The following SHANK2 variants were observed in gnomAD, a reference collection of about 807,000 sequenced individuals.
SHANK2 encodes the protein SH3 and multiple ankyrin repeat domains protein 2.
A neutral mutation model predicts 133.7 loss-of-function variants in SHANK2; 43 were observed. That is an observed-to-expected ratio of 0.32 (90% CI 0.25 to 0.41). The LOEUF (loss-of-function observed/expected upper bound fraction) is 0.41. SHANK2 is among the 10% of genes least tolerant of loss of function. The pLI is 1.00. For synonymous variants in SHANK2, 1,017 were observed against 952.8 expected (o/e 1.07, Z -1.24); for missense variants, 1,994 against 2,235.8 (o/e 0.89, Z 2.18).
intron 11 of SHANK2, among the ~76,000 whole-genome samples, chr11:70,876,752 T>C (rs1459637386): frequency 6.6e-6 from 1 of 151,872 alleles, no homozygotes; most frequent in East Asian, 1.9e-4. Context: ...AGGCAGGAAA[T>C]AACAGGGCTG....
chr11:71,198,034 C>T (rs1304889918), intron 2 of SHANK2, among the ~76,000 whole-genome samples: 2 of 152,216 alleles, frequency 1.3e-5, no homozygotes, highest in African/African-American at 4.8e-5. Flanking sequence ...GCCGAAGCTT[C>T]ACTCTGTGTG....
intron 3 of SHANK2, 44 bp downstream of exon 3, chr11:71,147,076 G>A: frequency 2.0e-6 from 3 of 1,485,826 alleles, no homozygotes; most frequent in South Asian, 1.3e-5. Flanking sequence ...AGCCACAGGT[G>A]ACATTGTCCA....
At chr11:71,145,076 G>GA (rs1307964131) in intron 3 of SHANK2, among the ~76,000 whole-genome samples, 17 of 152,190 alleles carry the variant, frequency 1.1e-4, no homozygotes, top group African/African-American at 4.1e-4. Context: ...TAATATAGGA[G>GA]AAGGAACTCC....
At position 71,166,002 on chromosome 11, in the gene SHANK2, G is replaced by A. The variant is rs180945474; in HGVS notation, c.-12-18664C>T. Among the ~76,000 whole-genome samples the A allele has an allele frequency of 5.3e-5, 8 of 152,296 alleles. No homozygotes were observed. In the East Asian group the frequency reaches 1.4e-3, roughly 26 times the overall value. On this transcript the variant is annotated intron_variant, in intron 2 of 25. Coordinates refer to ENST00000601538, the MANE Select transcript of SHANK2 (RefSeq NM_012309.5). The stretch of plus-strand genomic sequence containing the variant: ...CCTCCCGCGTGCTGCACAGACAGAC[G>A]AATGTGAGTGTCCACACGCCCCCCA...
intron 2 of SHANK2, among the ~76,000 whole-genome samples, chr11:71,214,574 G>A (rs1954361430): frequency 6.6e-6 from 1 of 152,242 alleles, no homozygotes; most frequent in Non-Finnish European, 1.5e-5. Flanking sequence ...TAGGTTGGGA[G>A]ACTAAAATGT....
intron 22 of SHANK2, among the ~76,000 whole-genome samples, chr11:70,491,792 C>T (rs1348392860): frequency 1.3e-5 from 2 of 152,218 alleles, no homozygotes; most frequent in East Asian, 1.9e-4. Flanking sequence ...TGTGTGCCCT[C>T]CTGACTGCCT....
intron 11 of SHANK2, among the ~76,000 whole-genome samples, chr11:70,848,667 G>A (rs1295553026): frequency 1.3e-5 from 2 of 152,190 alleles, no homozygotes; most frequent in Non-Finnish European, 2.9e-5. Flanking sequence ...TTGCAGAGCA[G>A]CCACGGCACT....
intron 4 of SHANK2, among the ~76,000 whole-genome samples, chr11:71,115,190 C>T (rs371257489): frequency 1.2e-4 from 19 of 152,218 alleles, no homozygotes; most frequent in East Asian, 7.7e-4. Flanking sequence ...CAATTTTGGC[C>T]GGGCGTGGTG....
intron 2 of SHANK2, among the ~76,000 whole-genome samples, chr11:71,182,805 C>T (rs571953390): frequency 7.0e-4 from 106 of 152,282 alleles, no homozygotes; most frequent in African/African-American, 2.4e-3. Flanking sequence ...CTGGTACAAA[C>T]GGCAGACAGG....
chr11:71,154,718 AC>A (rs1424066714), intron 2 of SHANK2, among the ~76,000 whole-genome samples: 5 of 121,302 alleles, frequency 4.1e-5, no homozygotes, highest in Non-Finnish European at 6.8e-5. Flanking sequence ...GGATGGACCT[AC>A]CCCCACCCAC....
intron 14 of SHANK2, among the ~76,000 whole-genome samples, chr11:70,764,511 A>G (rs1224463065): frequency 1.4e-5 from 2 of 141,072 alleles, no homozygotes; most frequent in African/African-American, 5.4e-5. Context: ...TCTCTCTTCT[A>G]TCCATCTATC....
intron 17 of SHANK2, among the ~76,000 whole-genome samples, chr11:70,510,179 T>C (rs140639888): frequency 5.3e-5 from 8 of 152,156 alleles, no homozygotes; most frequent in African/African-American, 1.9e-4. Flanking sequence ...CACCCAGACC[T>C]GCAGAGATGG....
At chr11:71,120,129 A>G (rs1192555624) in intron 3 of SHANK2, among the ~76,000 whole-genome samples, 2 of 152,138 alleles carry the variant, frequency 1.3e-5, no homozygotes, top group East Asian at 3.9e-4. Context: ...CAATCACAAC[A>G]CTTCAAACAT....
intron 17 of SHANK2, among the ~76,000 whole-genome samples, chr11:70,644,319 A>C (rs1476814036): frequency 2.6e-5 from 4 of 151,900 alleles, no homozygotes; most frequent in African/African-American, 9.7e-5. Context: ...TTACACACGA[A>C]CTCCCCATCC....
chr11:70,564,578 C>T (rs200936036), intron 17 of SHANK2, among the ~76,000 whole-genome samples: 1 of 152,074 alleles, frequency 6.6e-6, no homozygotes. Context: ...TTTTTTCTCC[C>T]CTCCCCCTAC....
intron 15 of SHANK2, among the ~76,000 whole-genome samples, chr11:70,675,519 TGGCCAGGTGGG>T (rs2134353266): frequency 6.6e-6 from 1 of 152,198 alleles, no homozygotes; most frequent in East Asian, 1.9e-4. Flanking sequence ...TGTTGATTCC[TGGCCAGGTGGG>T]GGCCAGTTCC....
At chr11:70,545,420 G>A (rs2059678906) in intron 17 of SHANK2, among the ~76,000 whole-genome samples, 1 of 152,152 alleles carries the variant, frequency 6.6e-6, no homozygotes, top group African/African-American at 2.4e-5. Context: ...AGTCAGGGCA[G>A]CTCTGGGAGG....
At chr11:70,589,550 TAC>T (rs1432677506) in intron 17 of SHANK2, among the ~76,000 whole-genome samples, 1 of 151,200 alleles carries the variant, frequency 6.6e-6, no homozygotes, top group Non-Finnish European at 1.5e-5. Flanking sequence ...AACAGTCACT[TAC>T]AGTCTATGGA....
chr11:70,806,358 G>T (rs1236401110), intron 13 of SHANK2, among the ~76,000 whole-genome samples: 1 of 152,204 alleles, frequency 6.6e-6, no homozygotes, highest in Non-Finnish European at 1.5e-5. Context: ...GTGTGCCTCA[G>T]ATGACACCAC....
Sources: gnomAD v4.1 joint callset for allele counts (sites outside exome capture counted in the v4.1 genomes callset) on GRCh38, gnomAD v4.1.1 for gene constraint, MANE v1.5 for transcripts, NCBI Gene and HGNC (gene_info 2026-07-23, HGNC 2026-07-21) for gene names.